MED27: variants seen among roughly 807,000 people sequenced by gnomAD.
MED27 encodes the protein mediator complex subunit 27, also known as mediator of RNA polymerase II transcription subunit 27.
Under a neutral mutation model 38.2 loss-of-function variants are expected in MED27, and 30 were observed. The observed-to-expected ratio is 0.79, with a 90% CI of 0.59 to 1.07. The LOEUF is 1.07. MED27 is among the 50% of genes least tolerant of loss of function. The pLI is 0.00. For synonymous variants in MED27, 122 were observed against 153.5 expected, an observed-to-expected ratio of 0.79 and a Z score of 1.52; for missense variants, 289 against 397.5, an observed-to-expected ratio of 0.73 and a Z score of 2.32.
intron 3 of MED27, among the ~76,000 whole-genome samples, chr9:131,945,653 T>C (rs1830872277): frequency 6.6e-6 from 1 of 152,088 alleles, no homozygotes; most frequent in Admixed American, 6.6e-5. Flanking sequence ...TTCAACTTTT[T>C]TAGATTCCAC....
intron 6 of MED27, among the ~76,000 whole-genome samples, chr9:131,867,684 C>T (rs1205366845): frequency 2.6e-5 from 4 of 152,216 alleles, no homozygotes; most frequent in Non-Finnish European, 5.9e-5. Context: ...CCTCTTGGGC[C>T]CCTCTCTAGC....
At position 131,917,351 on chromosome 9, in the gene MED27, A is replaced by C. The variant is rs1830310686; in HGVS notation, c.573+22030T>G. Reference sequence around the variant, plus strand: ...GGTCAACTGAGGCCGGGTTATACAGACCATGTACACCACCTATCCTAGAAA... The same window carrying C: ...GGTCAACTGAGGCCGGGTTATACAGCCCATGTACACCACCTATCCTAGAAA... On this transcript the variant is annotated intron_variant, in intron 4 of 7. Coordinates refer to ENST00000292035, the MANE Select transcript of MED27 (RefSeq NM_004269.4). This position sits in a 1 kb window ranked among gnomAD's most constrained non-coding sequence, Gnocchi z 4.6. Among the ~76,000 whole-genome samples, 1 of 152,116 alleles carries C rather than the reference A, an allele frequency of 6.6e-6. No homozygotes were observed. Among genetic ancestry groups the C allele is most frequent in the Non-Finnish European group, 1.5e-5 (1 of 68,018 alleles).
At chr9:131,890,013 C>T (rs1353764329) in intron 5 of MED27, among the ~76,000 whole-genome samples, 2 of 152,200 alleles carry the variant, frequency 1.3e-5, no homozygotes, top group East Asian at 1.9e-4. Context: ...TCCTTCCAGA[C>T]GCCACATTTC....
intron 3 of MED27, among the ~76,000 whole-genome samples, chr9:131,952,516 TCACCCTCTCCAGACC>T (rs1171485457): frequency 6.6e-6 from 1 of 152,166 alleles, no homozygotes; most frequent in African/African-American, 2.4e-5. Context: ...ACCAGAGCCT[TCACCCTCTCCAGACC>T]CACCCTCTCC....
At chr9:131,922,778 T>C (rs1457441847) in intron 4 of MED27, among the ~76,000 whole-genome samples, 2 of 152,162 alleles carry the variant, frequency 1.3e-5, no homozygotes, top group African/African-American at 4.8e-5. Flanking sequence ...CCTAATGCTA[T>C]AATTTTTGTA....
At chr9:132,044,236 C>T (rs1833283277) in intron 2 of MED27, among the ~76,000 whole-genome samples, 1 of 152,114 alleles carries the variant, frequency 6.6e-6, no homozygotes, top group South Asian at 2.1e-4. Flanking sequence ...ACATGGGCCA[C>T]CTAACTCTCT....
At chr9:131,871,090 C>T (rs6597532) in intron 6 of MED27, among the ~76,000 whole-genome samples, 125,871 of 152,114 alleles carry the variant, frequency 0.83, 52,280 homozygotes, top group Middle Eastern at 0.88. Flanking sequence ...GTGTGCATCC[C>T]ACTGTGTGCC....
chr9:132,071,567 A>G (rs1417084891), intron 2 of MED27, among the ~76,000 whole-genome samples: 2 of 147,960 alleles, frequency 1.4e-5, no homozygotes, highest in Non-Finnish European at 3.0e-5. Context: ...CACCAAACAC[A>G]CAAGTAACCC....
intron 5 of MED27, among the ~76,000 whole-genome samples, chr9:131,890,257 CT>C (rs1839206888): frequency 6.6e-6 from 1 of 152,148 alleles, no homozygotes; most frequent in African/African-American, 2.4e-5. Flanking sequence ...TCAGTGTGTC[CT>C]TAAAATAACA....
intron 3 of MED27, among the ~76,000 whole-genome samples, chr9:132,010,897 G>T (rs576286507): frequency 1.3e-5 from 2 of 152,282 alleles, no homozygotes; most frequent in South Asian, 2.1e-4. Context: ...TGGGCGAAGG[G>T]GGGAGGGATA....
At chr9:131,943,806 T>C (rs773414613) in intron 3 of MED27, among the ~76,000 whole-genome samples, 3 of 152,204 alleles carry the variant, frequency 2.0e-5, no homozygotes, top group Non-Finnish European at 4.4e-5. Flanking sequence ...GGAGAGCTGC[T>C]TGGTTCTCCT....
chr9:131,897,415 C>G (rs960472416), intron 4 of MED27, among the ~76,000 whole-genome samples: 1 of 152,188 alleles, frequency 6.6e-6, no homozygotes, highest in Non-Finnish European at 1.5e-5. Flanking sequence ...TTCTTGTCAG[C>G]GATGGGCACT....
At chr9:131,875,614 G>C (rs550791687) in intron 6 of MED27, among the ~76,000 whole-genome samples, 15 of 152,310 alleles carry the variant, frequency 9.8e-5, no homozygotes, top group African/African-American at 3.4e-4. Context: ...TGGTAGACAA[G>C]ACATTCACCT....
chr9:131,886,303 T>C (rs186216023), intron 5 of MED27, among the ~76,000 whole-genome samples: 26 of 152,356 alleles, frequency 1.7e-4, no homozygotes, highest in African/African-American at 4.3e-4. Flanking sequence ...AGGAGGCCAC[T>C]CTGTACTTCC....
chr9:131,967,857 C>T (rs1589239833), intron 3 of MED27, among the ~76,000 whole-genome samples: 1 of 146,040 alleles, frequency 6.8e-6, no homozygotes, highest in Non-Finnish European at 1.5e-5. Context: ...CTCGCTCTGC[C>T]GCCCAGGCTG....
intron 4 of MED27, among the ~76,000 whole-genome samples, chr9:131,933,864 C>G (rs1830634610): frequency 6.6e-6 from 1 of 152,092 alleles, no homozygotes; most frequent in South Asian, 2.1e-4. Context: ...AATCACATTA[C>G]CTGACTTCAA....
At chr9:132,037,984 T>C (rs77001473) in intron 2 of MED27, among the ~76,000 whole-genome samples, 4,421 of 151,984 alleles carry the variant, frequency 0.029, 227 homozygotes, top group African/African-American at 0.1. Flanking sequence ...TTGTGATGCA[T>C]TGACGCAACC....
chr9:131,874,074 C>T (rs916619581), intron 6 of MED27, among the ~76,000 whole-genome samples: 4 of 152,194 alleles, frequency 2.6e-5, no homozygotes, highest in African/African-American at 4.8e-5. Flanking sequence ...GCCTTGCGGA[C>T]CTGGGTCTCA....
intron 3 of MED27, among the ~76,000 whole-genome samples, chr9:131,957,828 T>C (rs963459975): frequency 1.3e-5 from 2 of 150,434 alleles, no homozygotes; most frequent in Non-Finnish European, 3.0e-5. Flanking sequence ...TCTGTAATCC[T>C]AGCACTTTAG....
Sources: gnomAD v4.1 joint callset for allele counts (sites outside exome capture counted in the v4.1 genomes callset) on GRCh38, gnomAD v4.1.1 for gene constraint, Gnocchi (gnomAD v3.1) non-coding constraint, MANE v1.5 for transcripts, NCBI Gene and HGNC (gene_info 2026-07-23, HGNC 2026-07-21) for gene names.